Variants in RYR1 observed in about 807,000 individuals in gnomAD.
RYR1 encodes ryanodine receptor 1, also known as central core disease of muscle.
Under a neutral mutation model 583.5 loss-of-function variants are expected in RYR1, and 342 were observed. The ratio of observed to expected loss-of-function variants is 0.59; its 90% CI spans 0.54 to 0.64. The LOEUF (loss-of-function observed/expected upper bound fraction) is 0.64. RYR1 is among the 30% of genes least tolerant of loss of function. RYR1 has a pLI of 0.00. For synonymous variants in RYR1, 2,791 were observed against 2,822.5 expected, an observed-to-expected ratio of 0.99 and a Z score of 0.35; for missense variants, 6,032 against 6,917.2, an observed-to-expected ratio of 0.87 and a Z score of 4.54.
chr19:38,442,520 G>A, intron 3 of RYR1, 67 bp downstream of exon 3: 3 of 1,171,178 alleles, frequency 2.6e-6, no homozygotes, highest in Non-Finnish European at 3.8e-6. Context: ...GGTCGTTTAG[G>A]GCACGGTGGC....
chr19:38,526,052 A>G (rs1420021408), intron 71 of RYR1, among the ~76,000 whole-genome samples: 3 of 150,914 alleles, frequency 2.0e-5, no homozygotes, highest in Non-Finnish European at 3.0e-5. Context: ...AGCCCCCAAG[A>G]CTCTCAGGGG....
rs1438381689 is a variant in RYR1 at position 38,508,133 on chromosome 19, G to C, written c.8932+306G>C. On this transcript the variant is annotated intron_variant, in intron 58 of 105. Transcript: ENST00000359596. The stretch of plus-strand genomic sequence containing the variant: ...GGGAAGAAGAAAACAATAGAGCCAG[G>C]TAGAGGGGATTGGGAGTGTGGAGCC... Among the ~76,000 whole-genome samples, 7 of 152,268 alleles carry C rather than the reference G, an allele frequency of 4.6e-5. 2 individuals are homozygous for C. Among genetic ancestry groups the C allele is most frequent in the Admixed American group, 1.3e-4 (2 of 15,294 alleles).
At position 38,444,375 on chromosome 19, in the gene RYR1, A is replaced by G; in HGVS notation, c.537+114A>G. On this transcript the variant is annotated intron_variant, in intron 6 of 105. Coordinates refer to ENST00000359596, the MANE Select transcript of RYR1 (RefSeq NM_000540.3). The surrounding 1 kb of genome is among the most constrained non-coding windows in gnomAD (Gnocchi z 5.1). ...CCCACCCCCAAGGTCCTGACTCCCA[A>G]TTTCCCATTTCCTGACCCCTGACAT... The G allele has an allele frequency of 1.1e-6, 1 of 935,798 alleles. No homozygotes were observed. 58.0% of individuals were successfully genotyped at this position (935,798 alleles called of 1,614,324 possible). A position where few individuals can be genotyped will look rare whatever the true frequency, so the allele number is the denominator to read the frequency against.
intron 42 of RYR1, among the ~76,000 whole-genome samples, chr19:38,497,799 C>T (rs548607326): frequency 6.6e-6 from 1 of 152,060 alleles, no homozygotes; most frequent in African/African-American, 2.4e-5. Flanking sequence ...TATAGGGACA[C>T]CTTGTCTCTA....
chr19:38,527,752 G>A lies in RYR1; in HGVS notation c.10792G>A (p.Glu3598Lys), dbSNP rs1322440459. 3 of 1,614,000 alleles carry A rather than the reference G, an allele frequency of 1.9e-6. No homozygotes were observed. The highest frequency in any genetic ancestry group is 2.5e-6 in the Non-Finnish European group (3 of 1,180,042). ...DPEKIVRRVQ[E>K]VSAVLYYLDQ... ...CGAGAAAATCGTGCGCAGAGTCCAG[G>A]AAGTGTCAGCCGTGCTCTACTACCT... Residue 3598 changes from glutamate (E) to lysine (K), a missense_variant, in exon 73 of 106, where the codon GAA (glutamate) becomes AAA (lysine). By Grantham distance (56) the Glu-to-Lys change is moderately conservative. This residue lies in a region of RYR1 where 1,493 missense variants were observed against 1,715.5 expected (regional missense o/e 0.87). Coordinates refer to ENST00000359596, the MANE Select transcript of RYR1 (RefSeq NM_000540.3).
intron 37 of RYR1, 65 bp from the exon 38 acceptor site, chr19:38,492,425 A>AGTGT (rs998342955): frequency 1.2e-5 from 19 of 1,553,658 alleles, no homozygotes; most frequent in Middle Eastern, 1.7e-4. Flanking sequence ...CAAATAAATG[A>AGTGT]GTGTGTAAGC....
At chr19:38,463,333 C>A (rs1198579866) in intron 20 of RYR1, 90 bp from the exon 21 acceptor site, 11 of 1,122,418 alleles carry the variant, frequency 9.8e-6, no homozygotes, top group Admixed American at 9.7e-5. Context: ...GAGGAGCCTC[C>A]CAGGGCTCAC....
At chr19:38,577,770 TG>T in intron 97 of RYR1, 147 bp from the exon 98 acceptor site, 2 of 1,027,266 alleles carry the variant, frequency 1.9e-6, no homozygotes, top group Non-Finnish European at 2.8e-6. Flanking sequence ...CCCTCCAGCC[TG>T]GGTGACAGAG....
At chr19:38,452,767 T>C (rs1600667421) in intron 12 of RYR1, 52 bp from the exon 13 acceptor site, 10 of 1,505,702 alleles carry the variant, frequency 6.6e-6, no homozygotes, top group African/African-American at 1.4e-5. Context: ...GGCAGTGACG[T>C]TGCGGCAGTT....
chr19:38,560,082 G>A (rs955323577), intron 89 of RYR1, among the ~76,000 whole-genome samples: 3 of 152,184 alleles, frequency 2.0e-5, no homozygotes, highest in African/African-American at 7.2e-5. Flanking sequence ...AGAAATCTGT[G>A]GGTGAACTTG....
Position 38,546,030 on chromosome 19 carries a change from C to T in RYR1, c.12013-415C>T, listed in dbSNP as rs115955446. Among the ~76,000 whole-genome samples, 781 of 152,254 alleles carry T rather than the reference C, an allele frequency of 5.1e-3. 5 individuals carry two copies. The highest frequency in any genetic ancestry group is 0.018 in the African/African-American group (747 of 41,540). On this transcript the variant is annotated intron_variant, in intron 87 of 105. Transcript: ENST00000359596. ...CCTGAACCCAGAGTCCCACTCTTGC[C>T]ATCACACATTATATTCAACATACAT...
rs375402078 is a variant in RYR1, at chr19:38,463,521, C to T, written c.2676C>T (p.Tyr892=). Residue 892 remains tyrosine, a synonymous_variant, in exon 21 of 106, where the codon TAC becomes TAT. Transcript: ENST00000359596. ...ALTRIEQGWT[Y]GPVRDDNKRL... is the part of the protein sequence containing the mutation. The stretch of plus-strand genomic sequence containing the variant: ...CCCGCATCGAGCAGGGCTGGACCTA[C>T]GGCCCGGTGAGGGGCTGCCTGCAGC... 135 of 1,612,132 alleles carry T rather than the reference C, an allele frequency of 8.4e-5. No individual in the cohort carries two copies. The highest frequency in any genetic ancestry group is 6.6e-4 in the Middle Eastern group (4 of 6,062).
chr19:38,502,762 C>CAGGGGCAGGGGT, intron 48 of RYR1, 35 bp downstream of exon 48: 1 of 487,494 alleles, frequency 2.1e-6, no homozygotes, highest in Non-Finnish European at 3.2e-6. Flanking sequence ...GGGGCAGGGG[C>CAGGGGCAGGGGT]AGGGGCAGGG....
At position 38,469,041 on chromosome 19, in the gene RYR1, G is replaced by A. The variant is rs756789468; in HGVS notation, c.3457G>A (p.Asp1153Asn). Residue 1153 changes from aspartate to asparagine, a missense_variant, in exon 26 of 106, where the codon GAC (aspartate) becomes AAC (asparagine). By Grantham distance (23) the Asp-to-Asn change is conservative (BLOSUM62 1). This residue lies in a region of RYR1 where 2,627 missense variants were observed against 2,961.3 expected (regional missense o/e 0.89). Transcript: ENST00000359596. ...QPGDVVGCMI[D>N]LTENTIIFTL... ...GGGCGATGTCGTTGGCTGTATGATC[G>A]ACCTCACAGAGAACACCATTATCTT... 4.3e-6 allele frequency: 7 copies of A among 1,614,060 alleles called. No homozygotes were observed. The highest frequency in any genetic ancestry group is 1.6e-4 in the Middle Eastern group (1 of 6,062).
Position 38,528,686 on chromosome 19 carries a change from T to C in RYR1, c.11025T>C (p.Asp3675=), listed in dbSNP as rs1449823544. The change falls in exon 75 of 106, where the codon GAT becomes GAC. Residue 3675 remains aspartate (D), a synonymous_variant. Coordinates refer to ENST00000359596, the MANE Select transcript of RYR1 (RefSeq NM_000540.3). ...EDHSFEDRMI[D]DLSKAGEQEE... Reference sequence around the variant, plus strand: ...ACAGTTTTGAGGACCGCATGATAGATGACCTTTCAGTGAGCTGGGACCCGC... The same window carrying C: ...ACAGTTTTGAGGACCGCATGATAGACGACCTTTCAGTGAGCTGGGACCCGC... 6.2e-7 allele frequency: 1 copy of C among 1,614,096 alleles called. No individual in the cohort carries two copies. The highest frequency in any genetic ancestry group is 2.2e-5 in the East Asian group (1 of 44,878).
In RYR1 at chr19:38,454,254, C is replaced by T. The variant is rs543381987; in HGVS notation, c.1441-981C>T. On this transcript the variant is annotated intron_variant, in intron 13 of 105. Coordinates refer to ENST00000359596, the MANE Select transcript of RYR1 (RefSeq NM_000540.3). Reference sequence around the variant, plus strand: ...GGGGTTTCGCCATGTTGGCCAGGCTCGTCTCAAACTCCTGACCTCAGGTGA... The same window carrying T: ...GGGGTTTCGCCATGTTGGCCAGGCTTGTCTCAAACTCCTGACCTCAGGTGA... Among the ~76,000 whole-genome samples the T allele has an allele frequency of 4.6e-5, 7 of 152,138 alleles. No homozygotes were observed. In the East Asian group the frequency reaches 9.7e-4, roughly 21 times the overall value.
chr19:38,448,937 G>T, intron 11 of RYR1, 124 bp downstream of exon 11: 1 of 915,260 alleles, frequency 1.1e-6, no homozygotes, highest in Non-Finnish European at 1.7e-6. Flanking sequence ...GAGTGAGATG[G>T]GGTGCAGGAG....
At position 38,561,216 on chromosome 19, in the gene RYR1, A is replaced by T. The variant is rs541081025; in HGVS notation, c.12386A>T (p.Asn4129Ile). The change falls in exon 90 of 106, where the codon AAC becomes ATC. Residue 4129 changes from asparagine to isoleucine, a missense_variant. By Grantham distance (149) the Asn-to-Ile change is moderately radical (BLOSUM62 -3). Transcript: ENST00000359596. This position sits in a 1 kb window ranked among gnomAD's most constrained non-coding sequence, Gnocchi z 4.8. ...ATGATCAACTGCGAAGAGTTCGCCA[A>T]CCGCTTCCAGGAGCCAGCACGCGAC... ...NEMINCEEFA[N>I]RFQEPARDIG... The T allele has an allele frequency of 1.9e-6, 3 of 1,614,128 alleles. No homozygotes were observed. The African/African-American group carries it at 4.0e-5, about 22-fold the overall frequency.
At chr19:38,532,444 G>T (rs1971779324) in intron 76 of RYR1, 46 bp from the exon 77 acceptor site, 1 of 1,601,268 alleles carries the variant, frequency 6.2e-7, no homozygotes, top group African/African-American at 1.3e-5. Flanking sequence ...ATAAGATGGG[G>T]GTCCTCTCCA....
Sources: allele counts gnomAD v4.1 joint callset (sites outside exome capture counted in the v4.1 genomes callset), GRCh38; gene constraint gnomAD v4.1.1; regional missense constraint gnomAD v4.1.1; non-coding constraint Gnocchi (gnomAD v3.1); transcripts MANE v1.5; gene names NCBI Gene and HGNC (gene_info 2026-07-23, HGNC 2026-07-21).